Variants in SENP1 observed in about 807,000 individuals in gnomAD.
SENP1 encodes SUMO specific peptidase 1.
SENP1 carries 21 observed loss-of-function variants against 93.0 expected under a neutral mutation model. The ratio of observed to expected loss-of-function variants is 0.23; its 90% CI spans 0.16 to 0.33. The LOEUF (loss-of-function observed/expected upper bound fraction) is 0.33. SENP1 is among the 10% of genes least tolerant of loss of function. SENP1 has a pLI of 1.00. For synonymous variants in SENP1, 256 were observed against 259.6 expected (o/e 0.99, Z 0.13); for missense variants, 591 against 758.7 (o/e 0.78, Z 2.60).
At chr12:48,086,435 A>G (rs1225210150) in intron 5 of SENP1, among the ~76,000 whole-genome samples, 1 of 152,242 alleles carries the variant, frequency 6.6e-6, no homozygotes, top group Admixed American at 6.5e-5. Flanking sequence ...CATCATTCAT[A>G]TAACGCCAAA....
At chr12:48,091,259 A>G (rs1945207518) in intron 4 of SENP1, among the ~76,000 whole-genome samples, 1 of 152,090 alleles carries the variant, frequency 6.6e-6, no homozygotes. Flanking sequence ...ACACCAGCCT[A>G]GCCAGTATGG....
At chr12:48,104,225 A>AT (rs1187509920) in intron 1 of SENP1, among the ~76,000 whole-genome samples, 11 of 50,648 alleles carry the variant, frequency 2.2e-4, no homozygotes, top group African/African-American at 1.2e-3. Flanking sequence ...AAGAAGAAAA[A>AT]AATATATATA....
chr12:48,058,387 CCTATTTGTT>C (rs891853591), intron 13 of SENP1, among the ~76,000 whole-genome samples: 8 of 152,162 alleles, frequency 5.3e-5, no homozygotes, highest in South Asian at 2.1e-4. Context: ...GCTCTTTCTT[CCTATTTGTT>C]CTATTTGTTC....
intron 9 of SENP1, among the ~76,000 whole-genome samples, chr12:48,071,191 G>GTT (rs1943666099): frequency 6.6e-6 from 1 of 151,998 alleles, no homozygotes; most frequent in East Asian, 1.9e-4. Context: ...AGAGGCTGAA[G>GTT]GAAGAACAAT....
intron 8 of SENP1, among the ~76,000 whole-genome samples, chr12:48,073,282 C>CTT (rs142428007): frequency 2.7e-5 from 4 of 146,882 alleles, no homozygotes; most frequent in Non-Finnish European, 4.5e-5. Flanking sequence ...GGTTTTTTGG[C>CTT]TTTTTTTTTT....
chr12:48,059,710 T>C (rs191383758), intron 13 of SENP1, among the ~76,000 whole-genome samples: 18 of 151,268 alleles, frequency 1.2e-4, no homozygotes, highest in Admixed American at 2.6e-4. Flanking sequence ...CCTTTAAACA[T>C]TGTTGGCTTT....
chr12:48,046,395 A>G lies in SENP1; in HGVS notation c.1833T>C (p.Ala611=). 6.2e-7 allele frequency: 1 copy of G among 1,613,486 alleles called. No homozygotes were observed. The highest frequency in any genetic ancestry group is 1.3e-5 in the African/African-American group (1 of 75,008). ...TTGGTCTGTCTTTGGTAATACAGTC[A>G]GCATATTTGCAGGCAAACATCCCAC... ...SDCGMFACKY[A]DCITKDRPIN... The change falls in exon 17 of 18, where the codon GCT becomes GCC. Residue 611 remains alanine (A), a synonymous_variant. Coordinates refer to ENST00000549518, the MANE Select transcript of SENP1 (RefSeq NM_001267594.2).
At chr12:48,096,288 C>T (rs1274851315) in intron 4 of SENP1, 55 bp downstream of exon 4, 7 of 939,550 alleles carry the variant, frequency 7.5e-6, no homozygotes, top group Admixed American at 4.6e-5. Context: ...AAACGATATG[C>T]TATCAAGAAA....
Position 48,065,089 on chromosome 12 carries a change from T to C in SENP1, c.1251A>G (p.Glu417=). Reference sequence around the variant, plus strand: ...CCTCTGTAATTTCAGGAAATTCATCTTCACTATCAGTTAATTTATGACCTT... The same window carrying C: ...CCTCTGTAATTTCAGGAAATTCATCCTCACTATCAGTTAATTTATGACCTT... ...QKKGHKLTDS[E]DEFPEITEEM... The change falls in exon 12 of 18, where the codon GAA becomes GAG. Residue 417 remains glutamate, a synonymous_variant. Coordinates refer to ENST00000549518, the MANE Select transcript of SENP1 (RefSeq NM_001267594.2). 1 of 1,602,734 alleles carries C rather than the reference T, an allele frequency of 6.2e-7. No homozygotes were observed. Among genetic ancestry groups the C allele is most frequent in the Non-Finnish European group, 8.5e-7 (1 of 1,169,872 alleles).
chr12:48,046,893 T>C (rs1352850414), intron 16 of SENP1, 85 bp downstream of exon 16: 1 of 845,540 alleles, frequency 1.2e-6, no homozygotes, highest in Non-Finnish European at 1.9e-6. Context: ...CGAACACAGG[T>C]GGTCCCTGGG....
chr12:48,065,048 A>C lies in SENP1; in HGVS notation c.1275+17T>G. ...CATGATACTTAGTAGTGTAGAAATT[A>C]AGTGTATGTAACTTACCTCTGTAAT... is the stretch of plus-strand genomic sequence containing the variant. On this transcript the variant is annotated intron_variant, in intron 12 of 17. Coordinates refer to ENST00000549518, the MANE Select transcript of SENP1 (RefSeq NM_001267594.2). 1 of 1,496,912 alleles carries C rather than the reference A, an allele frequency of 6.7e-7. No individual in the cohort carries two copies. Among genetic ancestry groups the C allele is most frequent in the Non-Finnish European group, 9.3e-7 (1 of 1,075,598 alleles). The allele number at this position is 1,496,912 out of a possible 1,614,324, so 92.7% of individuals were successfully genotyped here.
chr12:48,077,734 C>T (rs1273975563), intron 6 of SENP1, among the ~76,000 whole-genome samples: 2 of 151,936 alleles, frequency 1.3e-5, no homozygotes, highest in South Asian at 2.1e-4. Flanking sequence ...CCTCCCCACT[C>T]CCCCCACCCC....
intron 13 of SENP1, among the ~76,000 whole-genome samples, chr12:48,058,479 T>C (rs1177336797): frequency 2.6e-5 from 4 of 152,172 alleles, no homozygotes; most frequent in Non-Finnish European, 5.9e-5. Flanking sequence ...ATTGGCTTAG[T>C]AAATATATCT....
At chr12:48,067,713 C>G (rs1287176681) in intron 9 of SENP1, among the ~76,000 whole-genome samples, 1 of 152,094 alleles carries the variant, frequency 6.6e-6, no homozygotes, top group Admixed American at 6.5e-5. Context: ...GTGGCTCATT[C>G]CTGTAATCCC....
At chr12:48,061,198 CA>C (rs1942937808) in intron 13 of SENP1, among the ~76,000 whole-genome samples, 1 of 152,058 alleles carries the variant, frequency 6.6e-6, no homozygotes, top group Admixed American at 6.6e-5. Context: ...TGAAAGCCTA[CA>C]AAGTATGGTA....
chr12:48,073,387 C>T (rs561949861), intron 8 of SENP1, among the ~76,000 whole-genome samples: 1 of 150,444 alleles, frequency 6.6e-6, no homozygotes, highest in Non-Finnish European at 1.5e-5. Flanking sequence ...AAGTTTAATC[C>T]TGAGTGAGAA....
chr12:48,102,745 T>C (rs1946035964), intron 1 of SENP1, among the ~76,000 whole-genome samples: 1 of 146,092 alleles, frequency 6.8e-6, no homozygotes, highest in Admixed American at 7.2e-5. Flanking sequence ...AAAGTTTTCT[T>C]GGCGTACGAG....
At chr12:48,053,784 A>G (rs1942003458) in intron 13 of SENP1, among the ~76,000 whole-genome samples, 1 of 152,120 alleles carries the variant, frequency 6.6e-6, no homozygotes, top group Non-Finnish European at 1.5e-5. Context: ...CTCTTTCACC[A>G]TCGTCCTGTC....
At chr12:48,060,090 C>T (rs1942859812) in intron 13 of SENP1, among the ~76,000 whole-genome samples, 1 of 152,164 alleles carries the variant, frequency 6.6e-6, no homozygotes, top group Admixed American at 6.5e-5. Context: ...ACACACCCCA[C>T]CCTAGAAAGC....
Sources: allele counts gnomAD v4.1 joint callset (sites outside exome capture counted in the v4.1 genomes callset), GRCh38; gene constraint gnomAD v4.1.1; transcripts MANE v1.5; gene names NCBI Gene and HGNC (gene_info 2026-07-23, HGNC 2026-07-21).